Variants in CASK observed in about 807,000 individuals in gnomAD.
The protein encoded by CASK is calcium/calmodulin dependent serine protein kinase.
Under a neutral mutation model 82.9 loss-of-function variants are expected in CASK, and 4 were observed. The observed-to-expected ratio is 0.05, with a 90% CI of 0.02 to 0.11. CASK has a LOEUF of 0.11. Among genes scored for constraint, CASK ranks in the 10% least tolerant of loss-of-function variants. The pLI is 1.00. For synonymous variants in CASK, 259 were observed against 253.5 expected, an observed-to-expected ratio of 1.02 and a Z score of -0.20; for missense variants, 358 against 720.9, an observed-to-expected ratio of 0.50 and a Z score of 5.76.
chrX:41,774,615 C>T (rs1297702424), intron 3 of CASK, among the ~76,000 whole-genome samples: 7 of 111,383 alleles, frequency 6.3e-5, no homozygotes, highest in Non-Finnish European at 1.1e-4. Context: ...GGAGGCATCA[C>T]GCTACCCAAC....
At chrX:41,757,822 G>A (rs2068925982) in intron 3 of CASK, among the ~76,000 whole-genome samples, 1 of 112,090 alleles carries the variant, frequency 8.9e-6, no homozygotes, top group Admixed American at 9.5e-5. Flanking sequence ...TATTTCATGG[G>A]TAGGTGCCTT....
intron 5 of CASK, among the ~76,000 whole-genome samples, chrX:41,690,117 T>C (rs2067516036): frequency 8.9e-6 from 1 of 111,735 alleles, no homozygotes; most frequent in Non-Finnish European, 1.9e-5. Context: ...CACTTCAATA[T>C]AGCACATGGG....
intron 1 of CASK, among the ~76,000 whole-genome samples, chrX:41,902,171 A>G (rs1314550421): frequency 8.9e-6 from 1 of 111,863 alleles, no homozygotes; most frequent in East Asian, 2.8e-4. Context: ...ACTATCAATC[A>G]AGTTAAAGGG....
chrX:41,920,045 A>C (rs919220492), intron 1 of CASK, among the ~76,000 whole-genome samples: 2 of 112,258 alleles, frequency 1.8e-5, no homozygotes, highest in African/African-American at 6.5e-5. Context: ...CCAAGTACAC[A>C]GTGGGTGAGT....
In CASK at chrX:41,517,598, T is replaced by C. The variant is rs1028354917; in HGVS notation, c.*2822A>G. 1.1e-5 allele frequency: 4 copies of C among 370,666 alleles called. No individual in the cohort carries two copies. The highest frequency in any genetic ancestry group is 1.4e-5 in the Non-Finnish European group (3 of 212,760). 30.5% of individuals were successfully genotyped at this position (370,666 alleles called of 1,213,427 possible). On this transcript the variant is annotated 3_prime_UTR_variant, in exon 27 of 27. Coordinates refer to ENST00000378163, the MANE Select transcript of CASK (RefSeq NM_001367721.1). Reference sequence around the variant, plus strand: ...TGGGTGGGGGAGAGAACCTTCAAAATGTGGCTCTCCAATACTTCAATTGAC... The same window carrying C: ...TGGGTGGGGGAGAGAACCTTCAAAACGTGGCTCTCCAATACTTCAATTGAC...
intron 8 of CASK, among the ~76,000 whole-genome samples, chrX:41,648,632 C>CA (rs2066805587): frequency 9.0e-6 from 1 of 111,409 alleles, no homozygotes; most frequent in Non-Finnish European, 1.9e-5. Context: ...ATTTATCATG[C>CA]CGGCCGACGC....
chrX:41,620,427 G>C (rs2066270153), intron 11 of CASK, among the ~76,000 whole-genome samples: 1 of 111,783 alleles, frequency 8.9e-6, no homozygotes, highest in Non-Finnish European at 1.9e-5. Flanking sequence ...CTTCTTCTAA[G>C]AGTAATCAAT....
At chrX:41,824,478 T>C (rs2070615552) in intron 2 of CASK, among the ~76,000 whole-genome samples, 1 of 112,481 alleles carries the variant, frequency 8.9e-6, no homozygotes, top group Non-Finnish European at 1.9e-5. Context: ...CCAGTTCCAG[T>C]GTTTTTCTCA....
intron 2 of CASK, among the ~76,000 whole-genome samples, chrX:41,832,365 G>A (rs1178825180): frequency 8.9e-6 from 1 of 111,837 alleles, no homozygotes; most frequent in Non-Finnish European, 1.9e-5. Flanking sequence ...AGTCCAACAA[G>A]GATCTCATTT....
intron 2 of CASK, among the ~76,000 whole-genome samples, chrX:41,835,490 T>C (rs895639562): frequency 8.9e-6 from 1 of 112,190 alleles, no homozygotes; most frequent in African/African-American, 3.2e-5. Context: ...CTAAGAAAAA[T>C]TGAATATATG....
intron 8 of CASK, among the ~76,000 whole-genome samples, chrX:41,655,291 T>A (rs1391330433): frequency 9.0e-6 from 1 of 111,072 alleles, no homozygotes; most frequent in Non-Finnish European, 1.9e-5. Flanking sequence ...AAATTCTCCA[T>A]CTGCTCGCCC....
chrX:41,890,557 G>A (rs760230818), intron 1 of CASK, among the ~76,000 whole-genome samples: 1 of 111,774 alleles, frequency 8.9e-6, no homozygotes, highest in South Asian at 3.7e-4. Context: ...GAAAAATGTA[G>A]GTGAATTTTC....
intron 5 of CASK, among the ~76,000 whole-genome samples, chrX:41,714,245 G>A (rs1260430676): frequency 9.0e-6 from 1 of 111,605 alleles, no homozygotes; most frequent in Non-Finnish European, 1.9e-5. Flanking sequence ...CTGAATGTTT[G>A]ATGGAACTGG....
At chrX:41,609,353 G>A (rs1256163570) in intron 12 of CASK, among the ~76,000 whole-genome samples, 1 of 111,352 alleles carries the variant, frequency 9.0e-6, no homozygotes, top group Admixed American at 9.5e-5. Context: ...GACCTCAGGT[G>A]ATCCACCCGC....
At chrX:41,869,264 T>C (rs2071650407) in intron 1 of CASK, among the ~76,000 whole-genome samples, 2 of 111,572 alleles carry the variant, frequency 1.8e-5, no homozygotes, top group African/African-American at 6.5e-5. Context: ...ACCTCCACCT[T>C]ATTCTGTTTT....
intron 16 of CASK, among the ~76,000 whole-genome samples, chrX:41,566,020 A>G (rs1569309570): frequency 8.9e-6 from 1 of 111,917 alleles, no homozygotes; most frequent in Non-Finnish European, 1.9e-5. Flanking sequence ...AAAGGCCTTC[A>G]ACAAAATTCA....
chrX:41,902,574 C>A (rs867975828), intron 1 of CASK, among the ~76,000 whole-genome samples: 8 of 112,234 alleles, frequency 7.1e-5, no homozygotes, highest in Non-Finnish European at 1.3e-4. Flanking sequence ...TGCAAAGATC[C>A]TTTTACCATG....
intron 19 of CASK, among the ~76,000 whole-genome samples, chrX:41,556,803 C>A (rs1048486930): frequency 8.9e-5 from 10 of 112,303 alleles, no homozygotes; most frequent in African/African-American, 2.9e-4. Flanking sequence ...TTTAGAATGA[C>A]CAAAGCAGTC....
In CASK at chrX:41,524,044, G is replaced by GAAAAA; in HGVS notation, c.2521-15_2521-11dup. The GAAAAA allele has an allele frequency of 3.3e-6, 3 of 904,087 alleles. No individual in the cohort carries two copies. The highest frequency in any genetic ancestry group is 3.0e-6 in the Non-Finnish European group (2 of 662,063). 74.5% of individuals were successfully genotyped at this position (904,087 alleles called of 1,213,427 possible). A position where few individuals can be genotyped will look rare whatever the true frequency, so the allele number is the denominator to read the frequency against. The stretch of plus-strand genomic sequence containing the variant: ...TCAGGACCTTCAGTGCCTGTGTTAA[G>GAAAAA]AAAAAAAAAAAAAATCCCGACTTAA... On this transcript the variant is annotated splice_polypyrimidine_tract_variant and intron_variant, in intron 25 of 26. Coordinates refer to ENST00000378163, the MANE Select transcript of CASK (RefSeq NM_001367721.1).
Sources: gnomAD v4.1 joint callset for allele counts (sites outside exome capture counted in the v4.1 genomes callset) on GRCh38, gnomAD v4.1.1 for gene constraint, MANE v1.5 for transcripts, NCBI Gene and HGNC (gene_info 2026-07-23, HGNC 2026-07-21) for gene names.